The following TTLL9 variants were observed in gnomAD, a reference collection of about 807,000 sequenced individuals.
TTLL9 encodes the protein tubulin tyrosine ligase like 9.
TTLL9 carries 47 observed loss-of-function variants against 65.6 expected under a neutral mutation model. That is an observed-to-expected ratio of 0.72 (90% CI 0.57 to 0.91). The LOEUF is 0.91. TTLL9 is among the 40% of genes least tolerant of loss of function. The pLI is 0.00. For synonymous variants in TTLL9, 179 were observed against 204.8 expected (o/e 0.87, Z 1.07); for missense variants, 537 against 568.8 (o/e 0.94, Z 0.57).
chr20:31,889,624 T>A (rs1283900983), intron 3 of TTLL9, among the ~76,000 whole-genome samples: 2 of 152,114 alleles, frequency 1.3e-5, no homozygotes, highest in African/African-American at 4.8e-5. Context: ...AGTTTCACCA[T>A]ATTGGCCAGA....
chr20:31,879,973 G>A (rs948128858), intron 2 of TTLL9: 11 of 1,321,608 alleles, frequency 8.3e-6, no homozygotes, highest in Middle Eastern at 1.8e-4. Flanking sequence ...ATTCAAAATC[G>A]GTTGGGGATG....
At chr20:31,914,599 G>GA (rs1240801782) in intron 6 of TTLL9, among the ~76,000 whole-genome samples, 1 of 152,200 alleles carries the variant, frequency 6.6e-6, no homozygotes, top group African/African-American at 2.4e-5. Context: ...TGGCTGGTGA[G>GA]AAAAAATGGG....
Position 31,943,090 on chromosome 20 carries a change from C to A in TTLL9, c.*69C>A. 7.1e-7 allele frequency: 1 copy of A among 1,414,404 alleles called. No homozygotes were observed. Among genetic ancestry groups the A allele is most frequent in the Middle Eastern group, 1.9e-4 (1 of 5,366 alleles). 87.6% of individuals were successfully genotyped at this position (1,414,404 alleles called of 1,614,324 possible). ...AGGCCTCCCCCCCACTCCCAGATCC[C>A]AGCACAGCACCTCACAGCATTCGCC... is the stretch of plus-strand genomic sequence containing the variant. On this transcript the variant is annotated 3_prime_UTR_variant, in exon 15 of 15. Coordinates refer to ENST00000535842, the MANE Select transcript of TTLL9 (RefSeq NM_001008409.5).
intron 12 of TTLL9, among the ~76,000 whole-genome samples, chr20:31,937,191 T>A (rs2064125660): frequency 6.6e-6 from 1 of 151,680 alleles, no homozygotes; most frequent in Admixed American, 6.6e-5. Context: ...GGAGGATGAC[T>A]TGAGGCCAGG....
At chr20:31,897,994 ACCCAGGGAATTCAC>A (rs1416474948) in intron 3 of TTLL9, among the ~76,000 whole-genome samples, 6 of 152,250 alleles carry the variant, frequency 3.9e-5, no homozygotes, top group African/African-American at 1.4e-4. Flanking sequence ...CAAAAAGGAA[ACCCAGGGAATTCAC>A]CACCATGTAG....
intron 14 of TTLL9, 94 bp from the exon 15 acceptor site, chr20:31,942,851 G>C (rs1025763764): frequency 8.1e-7 from 1 of 1,233,392 alleles, no homozygotes; most frequent in Non-Finnish European, 1.2e-6. Context: ...TCTGACTCCC[G>C]CTGTCCCCTC....
chr20:31,887,317 C>T (rs2123415062), intron 3 of TTLL9, 78 bp downstream of exon 3: 1 of 1,437,772 alleles, frequency 7.0e-7, no homozygotes, highest in Non-Finnish European at 9.8e-7. Context: ...TCCCTCTCTC[C>T]CTTTTCTACT....
chr20:31,909,364 G>A (rs1449463967), intron 5 of TTLL9, among the ~76,000 whole-genome samples: 3 of 151,964 alleles, frequency 2.0e-5, no homozygotes, highest in East Asian at 1.9e-4. Flanking sequence ...GGATGGTCTC[G>A]AACTCCTGAC....
intron 2 of TTLL9, among the ~76,000 whole-genome samples, chr20:31,881,602 C>CTTTTTTT (rs5841092): frequency 8.0e-6 from 1 of 125,260 alleles, no homozygotes; most frequent in Non-Finnish European, 1.6e-5. Context: ...ACACATATAA[C>CTTTTTTT]TTTTTTTTTT....
In TTLL9 at chr20:31,924,996, C is replaced by G. The variant is rs2063875810; in HGVS notation, c.665-13C>G. On this transcript the variant is annotated splice_polypyrimidine_tract_variant and intron_variant, in intron 8 of 14. Transcript: ENST00000535842. ...TATTTGTTGCACAAATTAATTTTTTCCTTGCCTGACAGGCCGCAAGTTTGA... is the reference window on the plus strand; with the variant it reads ...TATTTGTTGCACAAATTAATTTTTTGCTTGCCTGACAGGCCGCAAGTTTGA... 6.2e-7 allele frequency: 1 copy of G among 1,613,924 alleles called. No homozygotes were observed. Among genetic ancestry groups the G allele is most frequent in the African/African-American group, 1.3e-5 (1 of 74,918 alleles).
At chr20:31,929,879 A>AG (rs2063975513) in intron 10 of TTLL9, among the ~76,000 whole-genome samples, 1 of 152,172 alleles carries the variant, frequency 6.6e-6, no homozygotes, top group Non-Finnish European at 1.5e-5. Flanking sequence ...CTGTAATCCT[A>AG]GCACTTTGGG....
chr20:31,941,903 G>A lies in TTLL9; in HGVS notation c.1244-1042G>A, dbSNP rs552164060. On this transcript the variant is annotated intron_variant, in intron 14 of 14. Transcript: ENST00000535842. ...GGTAGGAAGAGTACTGATGAACTGAGTTAGGGAAGCGTTCAGGGACATCCA... is the reference window on the plus strand; with the variant it reads ...GGTAGGAAGAGTACTGATGAACTGAATTAGGGAAGCGTTCAGGGACATCCA... Among the ~76,000 whole-genome samples the A allele has an allele frequency of 1.1e-3, 175 of 152,322 alleles. 1 individual carries two copies. The highest frequency in any genetic ancestry group is 4.1e-3 in the African/African-American group (171 of 41,560).
Position 31,909,125 on chromosome 20 carries a change from ATT to A in TTLL9, c.318+449_318+450del, listed in dbSNP as rs11476481. ...GTGTAGCTTAGCGGTTGAAAGCATG[ATT>A]TTTTTTTTTTTTTTTTTTTTTTTTT... On this transcript the variant is annotated intron_variant, in intron 5 of 14. Coordinates refer to ENST00000535842, the MANE Select transcript of TTLL9 (RefSeq NM_001008409.5). Among the ~76,000 whole-genome samples, 394 of 79,340 alleles carry A rather than the reference ATT, an allele frequency of 5.0e-3. 1 individual carries two copies. The highest frequency in any genetic ancestry group is 7.1e-3 in the African/African-American group (122 of 17,222). 52.1% of individuals were successfully genotyped at this position (79,340 alleles called of 152,430 possible). A position where few individuals can be genotyped will look rare whatever the true frequency, so the allele number is the denominator to read the frequency against.
intron 5 of TTLL9, among the ~76,000 whole-genome samples, 170 bp from the exon 6 acceptor site, chr20:31,909,567 G>C (rs991166362): frequency 5.3e-5 from 8 of 152,282 alleles, no homozygotes; most frequent in African/African-American, 1.7e-4. Flanking sequence ...TCTGTGAAGT[G>C]GGGATAATTC....
intron 2 of TTLL9, among the ~76,000 whole-genome samples, chr20:31,872,112 G>A (rs1375928714): frequency 6.6e-6 from 1 of 152,116 alleles, no homozygotes; most frequent in African/African-American, 2.4e-5. Flanking sequence ...ATCTAGGAGG[G>A]AAGGCAAACA....
chr20:31,879,720 G>C (rs2063082461), intron 2 of TTLL9: 1 of 1,219,862 alleles, frequency 8.2e-7, no homozygotes, highest in Non-Finnish European at 1.1e-6. Flanking sequence ...AGCCTCCAGA[G>C]GTTCTGGTGG....
rs117391836 is a variant in TTLL9 at position 31,908,858 on chromosome 20, G to A, written c.318+156G>A. 1.7e-4 allele frequency among the ~76,000 whole-genome samples: 26 copies of A among 152,260 alleles called. No individual in the cohort carries two copies. In the East Asian group the frequency reaches 4.4e-3, roughly 26 times the overall value. On this transcript the variant is annotated intron_variant, in intron 5 of 14. Coordinates refer to ENST00000535842, the MANE Select transcript of TTLL9 (RefSeq NM_001008409.5). The stretch of plus-strand genomic sequence containing the variant: ...GGGCTAGACCTATGGAGAGCCAAAT[G>A]GTTTCAGGGTATAGGGATCCAAGGC...
Position 31,909,808 on chromosome 20 carries a change from G to A in TTLL9, c.390G>A (p.Lys130=), listed in dbSNP as rs1157846602. The A allele has an allele frequency of 6.2e-7, 1 of 1,614,228 alleles. No homozygotes were observed. The highest frequency in any genetic ancestry group is 1.7e-5 in the Admixed American group (1 of 60,032). The change falls in exon 6 of 15, where the codon AAG becomes AAA. Residue 130 remains lysine (K), a synonymous_variant. Coordinates refer to ENST00000535842, the MANE Select transcript of TTLL9 (RefSeq NM_001008409.5). ...FRKQLEREAG[K]LEAAKCDFFP... is the part of the protein sequence containing the mutation. ...AGCAGCTGGAGCGTGAGGCAGGAAAGCTGGAGGCAGCCAAGTGTGACTTCT... is the reference window on the plus strand; with the variant it reads ...AGCAGCTGGAGCGTGAGGCAGGAAAACTGGAGGCAGCCAAGTGTGACTTCT...
rs2064137051 is a variant in TTLL9 at position 31,937,695 on chromosome 20, G to C, written c.1118+186G>C. ...GGGTGGGGTCCTGACCCAAGGACTT[G>C]ACCTCTCCAGGGCAGAGCAGGGCCA... On this transcript the variant is annotated intron_variant, in intron 13 of 14. Transcript: ENST00000535842. 2.0e-5 allele frequency among the ~76,000 whole-genome samples: 3 copies of C among 152,318 alleles called. No individual in the cohort carries two copies. In the South Asian group the frequency reaches 6.2e-4, roughly 32 times the overall value.
Sources: allele counts gnomAD v4.1 joint callset (sites outside exome capture counted in the v4.1 genomes callset), GRCh38; gene constraint gnomAD v4.1.1; transcripts MANE v1.5; gene names NCBI Gene and HGNC (gene_info 2026-07-23, HGNC 2026-07-21).